The following UMAD1 variants were observed in gnomAD, a reference collection of about 807,000 sequenced individuals.
UMAD1 encodes UBAP1-MVB12-associated (UMA)-domain containing protein 1.
A neutral mutation model predicts 6.1 loss-of-function variants in UMAD1; 8 were observed. The ratio of observed to expected loss-of-function variants is 1.30; its 90% CI spans 0.76 to 2.35. The LOEUF (loss-of-function observed/expected upper bound fraction) is 2.35, where lower values mean the gene tolerates loss of function less well. Among genes scored for constraint, UMAD1 ranks in the 30% most tolerant of loss-of-function variants. The pLI is 0.00. For missense variants in UMAD1, 130 were observed against 78.4 expected (o/e 1.66, Z -2.49); for synonymous variants, 56 against 31.4 (o/e 1.78, Z -2.61).
intron 1 of UMAD1, among the ~76,000 whole-genome samples, chr7:7,671,596 G>A (rs1311107069): frequency 6.6e-6 from 1 of 152,062 alleles, no homozygotes; most frequent in African/African-American, 2.4e-5. Flanking sequence ...GAAATCTATT[G>A]TCTTACATTT....
chr7:7,738,257 C>T (rs942103645), intron 2 of UMAD1, among the ~76,000 whole-genome samples: 1 of 152,202 alleles, frequency 6.6e-6, no homozygotes, highest in African/African-American at 2.4e-5. Context: ...ATCTGACTCT[C>T]TGAACCTGAA....
intron 2 of UMAD1, among the ~76,000 whole-genome samples, chr7:7,734,295 C>T (rs972648): frequency 0.083 from 12,569 of 152,042 alleles, 618 homozygotes; most frequent in African/African-American, 0.13. Context: ...CTAGTGTGGA[C>T]GTGAATCTTC....
chr7:7,652,789 G>A (rs781544521), intron 1 of UMAD1, among the ~76,000 whole-genome samples: 2 of 152,216 alleles, frequency 1.3e-5, no homozygotes, highest in Non-Finnish European at 2.9e-5. Context: ...TTCTTCAATG[G>A]GGAGGAAGTA....
intron 2 of UMAD1, among the ~76,000 whole-genome samples, chr7:7,732,760 T>C (rs781469906): frequency 3.9e-5 from 6 of 152,192 alleles, no homozygotes; most frequent in Non-Finnish European, 8.8e-5. Context: ...TTCAGTGGGA[T>C]AGGTCAAGTT....
At chr7:7,648,294 C>T (rs1032251771) in intron 1 of UMAD1, among the ~76,000 whole-genome samples, 5 of 151,680 alleles carry the variant, frequency 3.3e-5, no homozygotes, top group Admixed American at 1.3e-4. Context: ...AAGTTTTCTC[C>T]GCTTAAGTTT....
Position 7,859,390 on chromosome 7 carries a change from A to G in UMAD1, c.157-17891A>G, listed in dbSNP as rs560181003. On this transcript the variant is annotated intron_variant, in intron 3 of 3. Transcript: ENST00000682710. ...GTGTGAAGTTAGGTATTCTTCCATTATATGAGTCCTTCACATAACCTTTGG... is the reference window on the plus strand; with the variant it reads ...GTGTGAAGTTAGGTATTCTTCCATTGTATGAGTCCTTCACATAACCTTTGG... 7.2e-5 allele frequency among the ~76,000 whole-genome samples: 11 copies of G among 152,316 alleles called. No homozygotes were observed. In the South Asian group the frequency reaches 2.1e-3, roughly 29 times the overall value.
intron 2 of UMAD1, among the ~76,000 whole-genome samples, chr7:7,700,574 A>G (rs182629966): frequency 6.6e-6 from 1 of 150,930 alleles, no homozygotes; most frequent in Admixed American, 6.6e-5. Flanking sequence ...AAATAAAAAC[A>G]ACAAACAAAC....
At chr7:7,648,092 C>T (rs1583690652) in intron 1 of UMAD1, among the ~76,000 whole-genome samples, 1 of 152,194 alleles carries the variant, frequency 6.6e-6, no homozygotes, top group Admixed American at 6.5e-5. Context: ...TGGGAGGTCT[C>T]AGCTGAAGGT....
At chr7:7,820,566 T>C (rs1423143303) in intron 3 of UMAD1, among the ~76,000 whole-genome samples, 2 of 152,208 alleles carry the variant, frequency 1.3e-5, no homozygotes, top group Non-Finnish European at 2.9e-5. Context: ...TATGTTTTGC[T>C]AATGATCATC....
At chr7:7,656,433 A>G (rs1299689500) in intron 1 of UMAD1, among the ~76,000 whole-genome samples, 1 of 152,072 alleles carries the variant, frequency 6.6e-6, no homozygotes, top group Non-Finnish European at 1.5e-5. Context: ...TGTCATCTAC[A>G]TTAGGTATTT....
chr7:7,699,024 T>C (rs1383216376), intron 2 of UMAD1, among the ~76,000 whole-genome samples: 1 of 142,250 alleles, frequency 7.0e-6, no homozygotes, highest in East Asian at 2.0e-4. Flanking sequence ...CCAGTTAATT[T>C]TTATATAGTT....
At chr7:7,775,489 C>T (rs553823679) in intron 2 of UMAD1, among the ~76,000 whole-genome samples, 71 of 152,246 alleles carry the variant, frequency 4.7e-4, no homozygotes, top group African/African-American at 1.4e-3. Context: ...AGGTGCCTTC[C>T]GCCATGATTG....
At chr7:7,731,193 G>T (rs932761610) in intron 2 of UMAD1, among the ~76,000 whole-genome samples, 1 of 152,134 alleles carries the variant, frequency 6.6e-6, no homozygotes, top group Non-Finnish European at 1.5e-5. Context: ...GAGAGGGGGG[G>T]GTTCCACCAT....
intron 2 of UMAD1, among the ~76,000 whole-genome samples, chr7:7,757,741 C>T (rs992823789): frequency 1.3e-5 from 2 of 152,136 alleles, no homozygotes; most frequent in African/African-American, 4.8e-5. Flanking sequence ...GCAATTCCCA[C>T]GTTTAGGGAT....
chr7:7,787,116 ACT>A (rs1470862187), intron 2 of UMAD1, among the ~76,000 whole-genome samples: 1 of 152,320 alleles, frequency 6.6e-6, no homozygotes, highest in East Asian at 1.9e-4. Context: ...ATTTGAAAAC[ACT>A]GAGTCATGAT....
chr7:7,722,824 G>C (rs1319123936), intron 2 of UMAD1, among the ~76,000 whole-genome samples: 3 of 152,184 alleles, frequency 2.0e-5, no homozygotes, highest in African/African-American at 4.8e-5. Flanking sequence ...GGAAAAGAAT[G>C]GGACCCTGCA....
chr7:7,640,793 G>A lies in UMAD1; in HGVS notation c.-92G>A, dbSNP rs1051964994. The A allele has an allele frequency of 4.7e-6, 1 of 212,090 alleles. No homozygotes were observed. The highest frequency in any genetic ancestry group is 2.3e-5 in the African/African-American group (1 of 42,792). 13.1% of individuals were successfully genotyped at this position (212,090 alleles called of 1,614,324 possible). A position where few individuals can be genotyped will look rare whatever the true frequency, so the allele number is the denominator to read the frequency against. ...TGGGGTGTGAAGCTCCGGTGCTGGTGCGGCGGGGGACTGCGGGGCCAGCCT... is the reference window on the plus strand; with the variant it reads ...TGGGGTGTGAAGCTCCGGTGCTGGTACGGCGGGGGACTGCGGGGCCAGCCT... On this transcript the variant is annotated 5_prime_UTR_variant, in exon 1 of 4. Coordinates refer to ENST00000682710, the MANE Select transcript of UMAD1 (RefSeq NM_001302348.2).
intron 1 of UMAD1, among the ~76,000 whole-genome samples, chr7:7,643,337 C>T (rs367915537): frequency 6.6e-6 from 1 of 152,180 alleles, no homozygotes; most frequent in Non-Finnish European, 1.5e-5. Flanking sequence ...AAAACACTTC[C>T]CAAGGCTAAG....
At chr7:7,798,803 C>T (rs904533793) in intron 2 of UMAD1, among the ~76,000 whole-genome samples, 2 of 152,214 alleles carry the variant, frequency 1.3e-5, no homozygotes, top group African/African-American at 4.8e-5. Context: ...AGACCTTGGG[C>T]AGGTCACTGA....
Sources: gnomAD v4.1 joint callset for allele counts (sites outside exome capture counted in the v4.1 genomes callset) on GRCh38, gnomAD v4.1.1 for gene constraint, MANE v1.5 for transcripts, NCBI Gene and HGNC (gene_info 2026-07-23, HGNC 2026-07-21) for gene names.